The following ITPR1 variants were observed in gnomAD, a reference collection of about 807,000 sequenced individuals.
ITPR1 encodes the protein inositol 1,4,5-trisphosphate receptor type 1, also known as inositol 1,4,5-trisphosphate-gated calcium channel ITPR1.
ITPR1 carries 96 observed loss-of-function variants against 318.4 expected under a neutral mutation model. The ratio of observed to expected loss-of-function variants is 0.30; its 90% CI spans 0.26 to 0.36. ITPR1 has a LOEUF of 0.36. Ranked by LOEUF, ITPR1 falls within the 10% of genes least tolerant of loss-of-function variation. The pLI, the probability that ITPR1 is intolerant of heterozygous loss-of-function variation, is 1.00. For synonymous variants in ITPR1, 1,312 were observed against 1,289.9 expected (o/e 1.02, Z -0.37); for missense variants, 2,440 against 3,460.2 (o/e 0.71, Z 7.40).
intron 23 of ITPR1, among the ~76,000 whole-genome samples, chr3:4,675,685 A>G (rs964286895): frequency 6.6e-6 from 1 of 152,110 alleles, no homozygotes; most frequent in African/African-American, 2.4e-5. Context: ...CCAGGCTTCT[A>G]TCTTGGTGGC....
chr3:4,649,261 T>C (rs1455179838), intron 10 of ITPR1, among the ~76,000 whole-genome samples: 1 of 152,246 alleles, frequency 6.6e-6, no homozygotes, highest in African/African-American at 2.4e-5. Flanking sequence ...TTTTGCATAG[T>C]TGATACCATT....
chr3:4,513,347 CGGA>C lies in ITPR1; in HGVS notation c.-16-3124_-16-3122del, dbSNP rs367655990. 4.9e-3 allele frequency among the ~76,000 whole-genome samples: 750 copies of C among 152,290 alleles called. 5 individuals carry two copies. Among genetic ancestry groups the C allele is most frequent in the African/African-American group, 0.017 (714 of 41,544 alleles). On this transcript the variant is annotated intron_variant, in intron 2 of 61. Transcript: ENST00000649015. ...TTCCTCCACTTCACTAAGGCGAGGC[CGGA>C]GGAGATCTCCAGAGGTTTCTAGCCA...
chr3:4,752,577 T>A (rs1338965635), intron 44 of ITPR1, among the ~76,000 whole-genome samples: 3 of 152,226 alleles, frequency 2.0e-5, no homozygotes, highest in African/African-American at 7.2e-5. Flanking sequence ...GGCCATAAAG[T>A]TATACTTCAG....
intron 54 of ITPR1, among the ~76,000 whole-genome samples, chr3:4,800,858 G>A (rs1426251548): frequency 1.3e-5 from 2 of 152,232 alleles, no homozygotes; most frequent in African/African-American, 4.8e-5. Context: ...TCAGGAGATA[G>A]GCAGAAAAAG....
intron 4 of ITPR1, among the ~76,000 whole-genome samples, chr3:4,549,068 A>G (rs2085305387): frequency 1.3e-5 from 2 of 152,244 alleles, no homozygotes; most frequent in South Asian, 4.1e-4. Flanking sequence ...AGTTAGCAGG[A>G]AAGAACTTAA....
At chr3:4,494,599 TAAGA>T (rs2080405026) in intron 2 of ITPR1, 93 bp downstream of exon 2, 1 of 151,674 alleles carries the variant, frequency 6.6e-6, no homozygotes, top group South Asian at 2.1e-4. Context: ...AGGTGGGGAG[TAAGA>T]AAGAAAAAGA....
chr3:4,769,023 C>T (rs2046011155), intron 46 of ITPR1, among the ~76,000 whole-genome samples: 1 of 151,662 alleles, frequency 6.6e-6, no homozygotes, highest in Non-Finnish European at 1.5e-5. Flanking sequence ...GATTCTCCTT[C>T]CTCAGCTTCC....
rs1212142844 is a variant in ITPR1, at chr3:4,630,428, C to T, written c.279+2550C>T. On this transcript the variant is annotated intron_variant, in intron 5 of 61. Coordinates refer to ENST00000649015, the MANE Select transcript of ITPR1 (RefSeq NM_001378452.1). ...AGTGTAAAATCCTGAAAATCACAGT[C>T]GTAGGATATAGCTGCATGTTAGGCC... 2.0e-5 allele frequency among the ~76,000 whole-genome samples: 3 copies of T among 152,074 alleles called. No homozygotes were observed. In the Middle Eastern group the frequency reaches 0.01, roughly 517 times the overall value.
chr3:4,628,445 T>C (rs1455811407), intron 5 of ITPR1, among the ~76,000 whole-genome samples: 1 of 152,192 alleles, frequency 6.6e-6, no homozygotes, highest in African/African-American at 2.4e-5. Context: ...CCATAGCAAG[T>C]TTTTGAGCCT....
At chr3:4,569,014 G>A (rs891742195) in intron 4 of ITPR1, among the ~76,000 whole-genome samples, 8 of 152,088 alleles carry the variant, frequency 5.3e-5, no homozygotes, top group African/African-American at 1.4e-4. Context: ...GCTCTTAAAC[G>A]ACCAGATCTC....
At position 4,835,476 on chromosome 3, in the gene ITPR1, G is replaced by A. The variant is rs141706916; in HGVS notation, c.8029-1298G>A. The stretch of plus-strand genomic sequence containing the variant: ...GCTGAGTAGTTGTGACAGAGACCAG[G>A]TGGCCCACAAAGCTGAAAATATTGA... On this transcript the variant is annotated intron_variant, in intron 60 of 61. Coordinates refer to ENST00000649015, the MANE Select transcript of ITPR1 (RefSeq NM_001378452.1). Among the ~76,000 whole-genome samples the A allele has an allele frequency of 2.3e-3, 344 of 152,266 alleles. 5 individuals carry two copies. In the South Asian group the frequency reaches 0.026, roughly 11 times the overall value.
chr3:4,665,472 C>A (rs896503970), intron 17 of ITPR1, among the ~76,000 whole-genome samples, 176 bp downstream of exon 17: 1 of 152,188 alleles, frequency 6.6e-6, no homozygotes, highest in Non-Finnish European at 1.5e-5. Context: ...ATTACCTAAT[C>A]GTTAAGAAAC....
Position 4,735,366 on chromosome 3 carries a change from G to C in ITPR1, c.5544+12G>C. 5 of 1,609,950 alleles carry C rather than the reference G, an allele frequency of 3.1e-6. No homozygotes were observed. The South Asian group carries it at 4.4e-5, about 14-fold the overall frequency. On this transcript the variant is annotated intron_variant, in intron 44 of 61. Transcript: ENST00000649015. ...ACACCACCATCCAGGTAGGAAGGCA[G>C]CTTGGCTACTGGTATGGCATCCCTG...
At chr3:4,513,057 C>T (rs2081950810) in intron 2 of ITPR1, among the ~76,000 whole-genome samples, 1 of 152,138 alleles carries the variant, frequency 6.6e-6, no homozygotes, top group African/African-American at 2.4e-5. Flanking sequence ...GTGTGAGTGA[C>T]ATAGGAGCCC....
chr3:4,792,450 G>A (rs1260342810), intron 52 of ITPR1, among the ~76,000 whole-genome samples: 1 of 152,234 alleles, frequency 6.6e-6, no homozygotes, highest in African/African-American at 2.4e-5. Context: ...CTTGGGGTCA[G>A]GAACTTGGGA....
chr3:4,518,186 C>A (rs1457834199), intron 3 of ITPR1, among the ~76,000 whole-genome samples: 1 of 152,152 alleles, frequency 6.6e-6, no homozygotes, highest in Admixed American at 6.5e-5. Flanking sequence ...TGCACAGCCC[C>A]TATCTGGATG....
At chr3:4,495,797 G>A (rs976306935) in intron 2 of ITPR1, among the ~76,000 whole-genome samples, 2 of 152,194 alleles carry the variant, frequency 1.3e-5, no homozygotes, top group African/African-American at 4.8e-5. Context: ...ACCTCAGGCG[G>A]TGAGGCTGTA....
intron 4 of ITPR1, among the ~76,000 whole-genome samples, chr3:4,570,854 T>C (rs2087896488): frequency 6.6e-6 from 1 of 152,222 alleles, no homozygotes; most frequent in South Asian, 2.1e-4. Flanking sequence ...CTTTGACACA[T>C]AGCAGTTCCA....
intron 4 of ITPR1, among the ~76,000 whole-genome samples, chr3:4,605,010 C>T (rs1273524896): frequency 1.3e-5 from 2 of 151,932 alleles, no homozygotes; most frequent in Non-Finnish European, 2.9e-5. Context: ...CTTGTTCTGT[C>T]GCCTAGGCTG....
Sources: gnomAD v4.1 joint callset for allele counts (sites outside exome capture counted in the v4.1 genomes callset) on GRCh38, gnomAD v4.1.1 for gene constraint, MANE v1.5 for transcripts, NCBI Gene and HGNC (gene_info 2026-07-23, HGNC 2026-07-21) for gene names.